The following ARHGEF26 variants were observed in gnomAD, a reference collection of about 807,000 sequenced individuals.
ARHGEF26 encodes Rho guanine nucleotide exchange factor 26.
ARHGEF26 carries 59 observed loss-of-function variants against 89.4 expected under a neutral mutation model. The observed-to-expected ratio is 0.66, with a 90% CI of 0.54 to 0.82. ARHGEF26 has a LOEUF of 0.82. Among genes scored for constraint, ARHGEF26 ranks in the 40% least tolerant of loss-of-function variants. The probability of loss-of-function intolerance (pLI) is 0.00; values close to 1 mark genes in which losing one functional copy is unlikely to be tolerated. For synonymous variants in ARHGEF26, 500 were observed against 428.4 expected (o/e 1.17, Z -2.06); for missense variants, 1,234 against 1,085.6 (o/e 1.14, Z -1.92).
intron 6 of ARHGEF26, among the ~76,000 whole-genome samples, chr3:154,164,247 T>TA: frequency 6.6e-6 from 1 of 151,964 alleles, no homozygotes; most frequent in Non-Finnish European, 1.5e-5. Context: ...ATATGATTTT[T>TA]AAAAAAAATT....
chr3:154,255,039 A>G (rs547991261), intron 14 of ARHGEF26, among the ~76,000 whole-genome samples: 9 of 152,122 alleles, frequency 5.9e-5, no homozygotes, highest in African/African-American at 2.2e-4. Flanking sequence ...ATCTCTAAAT[A>G]TTCGTCCTTT....
At chr3:154,190,524 C>G (rs933064669) in intron 7 of ARHGEF26, among the ~76,000 whole-genome samples, 4 of 152,086 alleles carry the variant, frequency 2.6e-5, no homozygotes, top group Non-Finnish European at 4.4e-5. Context: ...AACAAACAAA[C>G]AAACAAACCT....
intron 6 of ARHGEF26, among the ~76,000 whole-genome samples, chr3:154,167,707 C>T (rs1712133636): frequency 6.6e-6 from 1 of 152,124 alleles, no homozygotes; most frequent in Non-Finnish European, 1.5e-5. Flanking sequence ...GTGCAAAATA[C>T]GAAACATATT....
At chr3:154,205,842 T>C (rs1379490996) in intron 9 of ARHGEF26, among the ~76,000 whole-genome samples, 1 of 152,206 alleles carries the variant, frequency 6.6e-6, no homozygotes, top group African/African-American at 2.4e-5. Context: ...GTACTGACTA[T>C]GCCTTGAAAA....
intron 11 of ARHGEF26, 117 bp from the exon 12 acceptor site, chr3:154,240,253 C>G (rs1015135694): frequency 3.0e-6 from 2 of 669,658 alleles, no homozygotes; most frequent in East Asian, 5.5e-5. Flanking sequence ...ATAAGTCATT[C>G]TTTCCCTCTC....
intron 5 of ARHGEF26, among the ~76,000 whole-genome samples, chr3:154,150,224 G>A (rs1311876198): frequency 1.3e-5 from 2 of 148,150 alleles, no homozygotes; most frequent in African/African-American, 2.5e-5. Flanking sequence ...AAAAATAATA[G>A]TATAGAACTT....
chr3:154,171,449 G>A (rs1712433282), intron 6 of ARHGEF26, among the ~76,000 whole-genome samples: 1 of 152,114 alleles, frequency 6.6e-6, no homozygotes, highest in South Asian at 2.1e-4. Flanking sequence ...ATGTATAATG[G>A]CATGTGTTCA....
chr3:154,234,068 A>C (rs536242198), intron 11 of ARHGEF26, among the ~76,000 whole-genome samples: 3 of 152,216 alleles, frequency 2.0e-5, no homozygotes, highest in Non-Finnish European at 4.4e-5. Flanking sequence ...ACCTTTTTAC[A>C]AAAGGAAGAA....
chr3:154,240,457 A>G lies in ARHGEF26; in HGVS notation c.2178A>G (p.Pro726=). The part of the protein sequence containing the change: ...SCDNEELNSS[P]GKNSSTMLYS... ...ACAATGAAGAGCTTAATTCTTCTCC[A>G]GGGAAGAACAGCTCCACAATGCTCT... is the stretch of plus-strand genomic sequence containing the variant. The change falls in exon 12 of 15, where the codon CCA becomes CCG. Residue 726 remains proline, a synonymous_variant. Coordinates refer to ENST00000465093, the MANE Select transcript of ARHGEF26 (RefSeq NM_015595.4). 2 of 1,613,382 alleles carry G rather than the reference A, an allele frequency of 1.2e-6. No homozygotes were observed. Among genetic ancestry groups the G allele is most frequent in the Non-Finnish European group, 1.7e-6 (2 of 1,179,506 alleles).
chr3:154,188,079 GT>G (rs1293900756), intron 7 of ARHGEF26, among the ~76,000 whole-genome samples: 7 of 152,106 alleles, frequency 4.6e-5, no homozygotes, highest in Non-Finnish European at 1.0e-4. Flanking sequence ...CTTGTTTAGT[GT>G]TTCGTTGTTT....
chr3:154,193,805 A>T lies in ARHGEF26; in HGVS notation c.1771-839A>T, dbSNP rs555947939. Among the ~76,000 whole-genome samples, 123 of 151,808 alleles carry T rather than the reference A, an allele frequency of 8.1e-4. 1 individual carries two copies. Among genetic ancestry groups the T allele is most frequent in the African/African-American group, 3.0e-3 (122 of 41,334 alleles). On this transcript the variant is annotated intron_variant, in intron 8 of 14. Transcript: ENST00000465093. ...CTCAGTATAAATATATCAACAGAAAACCTAGCAGGCTTTTTTTCCTTTGCT... is the reference window on the plus strand; with the variant it reads ...CTCAGTATAAATATATCAACAGAAATCCTAGCAGGCTTTTTTTCCTTTGCT...
intron 9 of ARHGEF26, among the ~76,000 whole-genome samples, chr3:154,213,934 T>G (rs1334454999): frequency 6.6e-6 from 1 of 152,216 alleles, no homozygotes; most frequent in African/African-American, 2.4e-5. Flanking sequence ...ACAGAAATTT[T>G]ATAGTCTGTG....
intron 12 of ARHGEF26, among the ~76,000 whole-genome samples, chr3:154,244,866 C>T (rs1041924483): frequency 1.3e-5 from 2 of 151,676 alleles, no homozygotes; most frequent in African/African-American, 4.8e-5. Flanking sequence ...AAATTTTATT[C>T]TTTTTACGGA....
chr3:154,244,729 T>C (rs2108290020), intron 12 of ARHGEF26, among the ~76,000 whole-genome samples: 1 of 147,434 alleles, frequency 6.8e-6, no homozygotes, highest in African/African-American at 2.5e-5. Context: ...ATTATATACA[T>C]GGTCCAACTC....
intron 4 of ARHGEF26, among the ~76,000 whole-genome samples, chr3:154,134,107 G>T (rs937352298): frequency 3.9e-5 from 6 of 152,036 alleles, no homozygotes; most frequent in Admixed American, 3.9e-4. Context: ...GAGACTATGG[G>T]GTTTTCCATA....
In ARHGEF26 at chr3:154,124,410, A is replaced by G. The variant is rs759778164; in HGVS notation, c.1084A>G (p.Lys362Glu). The stretch of plus-strand genomic sequence containing the variant: ...TTTTTTACTTTTTTTTGTCTCTTAG[A>G]AAAAAATGCTGAAAGGACAAGGAAC... The part of the protein sequence containing the change: ...EKFSSLGRIK[K>E]KMLKGQGTFD... The change falls in exon 3 of 15, where the codon AAA becomes GAA. Residue 362 changes from lysine (K) to glutamate (E), a missense_variant and splice_region_variant. Coordinates refer to ENST00000465093, the MANE Select transcript of ARHGEF26 (RefSeq NM_015595.4). 2.8e-6 allele frequency: 4 copies of G among 1,411,516 alleles called. No homozygotes were observed. The highest frequency in any genetic ancestry group is 3.6e-5 in the African/African-American group (2 of 55,902). The allele number at this position is 1,411,516 out of a possible 1,614,324, so 87.4% of individuals were successfully genotyped here.
chr3:154,122,568 C>T lies in ARHGEF26; in HGVS notation c.576C>T (p.Gly192=), dbSNP rs1439867503. 2 of 1,613,546 alleles carry T rather than the reference C, an allele frequency of 1.2e-6. No individual in the cohort carries two copies. Among genetic ancestry groups the T allele is most frequent in the Non-Finnish European group, 1.7e-6 (2 of 1,179,878 alleles). ...NDSPGSGSQS[G]RKAKDPERGL... ...CTCCTGGGTCAGGTTCGCAGTCCGG[C>T]CGGAAGGCAAAGGACCCCGAACGGG... The change falls in exon 2 of 15, where the codon GGC becomes GGT. Residue 192 remains glycine, a synonymous_variant. Transcript: ENST00000465093.
intron 13 of ARHGEF26, among the ~76,000 whole-genome samples, chr3:154,254,382 T>TG (rs1351237457): frequency 3.3e-5 from 5 of 152,202 alleles, no homozygotes; most frequent in African/African-American, 1.2e-4. Context: ...TGCATGGCCT[T>TG]GGCACATCAG....
intron 4 of ARHGEF26, among the ~76,000 whole-genome samples, chr3:154,146,517 A>G (rs1192363936): frequency 6.6e-6 from 1 of 152,214 alleles, no homozygotes; most frequent in Non-Finnish European, 1.5e-5. Flanking sequence ...CATCATATCC[A>G]TAGAAGAAAT....
Sources: gnomAD v4.1 joint callset for allele counts (sites outside exome capture counted in the v4.1 genomes callset) on GRCh38, gnomAD v4.1.1 for gene constraint, MANE v1.5 for transcripts, NCBI Gene and HGNC (gene_info 2026-07-23, HGNC 2026-07-21) for gene names.